Variants in NKAIN3 observed in about 807,000 individuals in gnomAD.
NKAIN3 encodes the protein sodium/potassium transporting ATPase interacting 3, also known as sodium/potassium-transporting ATPase subunit beta-1-interacting protein 3.
NKAIN3 carries 25 observed loss-of-function variants against 30.2 expected under a neutral mutation model. That is an observed-to-expected ratio of 0.83 (90% CI 0.60 to 1.16). The LOEUF is 1.16. NKAIN3 is among the 50% of genes most tolerant of loss of function. The probability of loss-of-function intolerance (pLI) is 0.00; values close to 1 mark genes in which losing one functional copy is unlikely to be tolerated. For synonymous variants in NKAIN3, 91 were observed against 89.6 expected (o/e 1.02, Z -0.09); for missense variants, 225 against 254.1 (o/e 0.89, Z 0.78).
intron 4 of NKAIN3, among the ~76,000 whole-genome samples, chr8:62,770,451 A>T (rs1299956255): frequency 6.6e-6 from 1 of 152,214 alleles, no homozygotes; most frequent in East Asian, 1.9e-4. Context: ...AGATCAAGGT[A>T]CCAGCAGATC....
intron 2 of NKAIN3, among the ~76,000 whole-genome samples, chr8:62,580,906 T>TTATATATATATATATATATA: frequency 8.9e-6 from 1 of 112,316 alleles, no homozygotes; most frequent in Admixed American, 9.1e-5. Context: ...GCTAGGGTTT[T>TTATATATATATATATATATA]TATATATATA....
chr8:62,795,875 T>C (rs1817845575), intron 4 of NKAIN3, among the ~76,000 whole-genome samples: 2 of 152,160 alleles, frequency 1.3e-5, no homozygotes, highest in Admixed American at 6.5e-5. Flanking sequence ...TTTTCAAATA[T>C]GTGTATGCAT....
intron 3 of NKAIN3, among the ~76,000 whole-genome samples, chr8:62,745,675 A>G (rs2130580534): frequency 6.6e-6 from 1 of 152,230 alleles, no homozygotes; most frequent in Non-Finnish European, 1.5e-5. Flanking sequence ...AAACCAGGCT[A>G]TTTTTTCCAT....
chr8:62,413,727 AT>A (rs941734795), intron 1 of NKAIN3, among the ~76,000 whole-genome samples: 3 of 152,176 alleles, frequency 2.0e-5, no homozygotes, highest in Non-Finnish European at 4.4e-5. Context: ...ATAAATGTAC[AT>A]TTTAATAAAT....
chr8:62,291,762 G>T (rs1200219894), intron 1 of NKAIN3, among the ~76,000 whole-genome samples: 1 of 152,140 alleles, frequency 6.6e-6, no homozygotes, highest in East Asian at 1.9e-4. Flanking sequence ...TCTGCATGGT[G>T]CAGAGCTGAG....
intron 4 of NKAIN3, among the ~76,000 whole-genome samples, chr8:62,787,072 A>G (rs1380260551): frequency 6.6e-6 from 1 of 152,204 alleles, no homozygotes; most frequent in African/African-American, 2.4e-5. Context: ...AAAAACAGAA[A>G]AAGAAAATAC....
chr8:62,340,524 G>A (rs1265223256), intron 1 of NKAIN3, among the ~76,000 whole-genome samples: 1 of 151,946 alleles, frequency 6.6e-6, no homozygotes, highest in Non-Finnish European at 1.5e-5. Context: ...TCCTGCTTTT[G>A]AGGCCCTGCC....
At chr8:62,626,828 A>G (rs575974470) in intron 3 of NKAIN3, among the ~76,000 whole-genome samples, 35 of 152,286 alleles carry the variant, frequency 2.3e-4, no homozygotes, top group Non-Finnish European at 4.4e-4. Flanking sequence ...ATAGGGTCTC[A>G]GTGCTAATTT....
intron 6 of NKAIN3, among the ~76,000 whole-genome samples, chr8:62,960,735 GCACACA>G (rs113227908): frequency 1.3e-5 from 2 of 148,434 alleles, no homozygotes; most frequent in Non-Finnish European, 3.0e-5. Flanking sequence ...CAGGAAAAAA[GCACACA>G]CACACACACA....
chr8:62,311,271 C>G (rs767103708), intron 1 of NKAIN3, among the ~76,000 whole-genome samples: 2 of 150,180 alleles, frequency 1.3e-5, no homozygotes, highest in Admixed American at 1.3e-4. Flanking sequence ...ACAGCAGAGA[C>G]GGGTACTGGG....
chr8:62,419,890 C>A (rs1804579465), intron 1 of NKAIN3, among the ~76,000 whole-genome samples: 1 of 152,170 alleles, frequency 6.6e-6, no homozygotes, highest in African/African-American at 2.4e-5. Context: ...CTTGTTTTTT[C>A]AATCTTATTC....
intron 1 of NKAIN3, among the ~76,000 whole-genome samples, chr8:62,445,524 A>G (rs190854809): frequency 4.6e-5 from 7 of 152,070 alleles, no homozygotes; most frequent in Non-Finnish European, 8.8e-5. Flanking sequence ...TTGAGTGTAC[A>G]CTCCCAACTA....
At chr8:62,359,348 T>G (rs750073906) in intron 1 of NKAIN3, among the ~76,000 whole-genome samples, 2 of 152,202 alleles carry the variant, frequency 1.3e-5, no homozygotes, top group Non-Finnish European at 2.9e-5. Context: ...CAGATGGAGA[T>G]CAAAATATTC....
At chr8:62,509,727 C>A (rs965974210) in intron 1 of NKAIN3, among the ~76,000 whole-genome samples, 15 of 152,074 alleles carry the variant, frequency 9.9e-5, no homozygotes, top group African/African-American at 3.6e-4. Flanking sequence ...TCTTTCTTAT[C>A]GTAACTCTCC....
rs1317085452 is a variant in NKAIN3, at chr8:62,975,737, T to C, written c.*10330T>C. On this transcript the variant is annotated 3_prime_UTR_variant, in exon 7 of 7. Transcript: ENST00000623646. The stretch of plus-strand genomic sequence containing the variant: ...TCTGCTCTTGTTTCTTTAATTCTTT[T>C]AATTGTGATGTTAGCGTGTTGATTG... Among the ~76,000 whole-genome samples the C allele has an allele frequency of 6.6e-6, 1 of 152,210 alleles. No individual in the cohort carries two copies. The highest frequency in any genetic ancestry group is 6.5e-5 in the Admixed American group (1 of 15,282).
intron 1 of NKAIN3, among the ~76,000 whole-genome samples, chr8:62,534,165 G>A (rs1808575741): frequency 6.6e-6 from 1 of 152,094 alleles, no homozygotes; most frequent in African/African-American, 2.4e-5. Context: ...TGAGAGCTCT[G>A]CCCCCGGCTA....
intron 2 of NKAIN3, among the ~76,000 whole-genome samples, chr8:62,585,265 C>A (rs1810433233): frequency 6.6e-6 from 1 of 152,106 alleles, no homozygotes. Context: ...GGCCTCTCGG[C>A]AAAGACTATT....
intron 3 of NKAIN3, among the ~76,000 whole-genome samples, chr8:62,617,034 C>G (rs1299529011): frequency 6.6e-6 from 1 of 151,708 alleles, no homozygotes; most frequent in Non-Finnish European, 1.5e-5. Context: ...GGCACCTTCT[C>G]CCTCTCTCTC....
chr8:62,852,000 T>C (rs1178911319), intron 4 of NKAIN3, among the ~76,000 whole-genome samples: 2 of 151,158 alleles, frequency 1.3e-5, no homozygotes, highest in African/African-American at 4.9e-5. Flanking sequence ...TCCCTCTTTT[T>C]CTATTGATAG....
Sources: allele counts gnomAD v4.1 joint callset (sites outside exome capture counted in the v4.1 genomes callset), GRCh38; gene constraint gnomAD v4.1.1; transcripts MANE v1.5; gene names NCBI Gene and HGNC (gene_info 2026-07-23, HGNC 2026-07-21).